The following SNTG1 variants were observed in gnomAD, a reference collection of about 807,000 sequenced individuals.
SNTG1 encodes the protein syntrophin gamma 1, also known as gamma-1-syntrophin.
In SNTG1, 39 loss-of-function variants were observed where a neutral mutation model predicts 74.7. The ratio of observed to expected loss-of-function variants is 0.52; its 90% CI spans 0.40 to 0.68. SNTG1 has a LOEUF of 0.68. Ranked by LOEUF, SNTG1 falls within the 30% of genes least tolerant of loss-of-function variation. The probability of loss-of-function intolerance (pLI) is 0.00; values close to 1 mark genes in which losing one functional copy is unlikely to be tolerated. For synonymous variants in SNTG1, 254 were observed against 217.1 expected (o/e 1.17, Z -1.49); for missense variants, 685 against 609.5 (o/e 1.12, Z -1.30).
chr8:50,052,098 A>G (rs1819625968), intron 1 of SNTG1, among the ~76,000 whole-genome samples: 1 of 152,092 alleles, frequency 6.6e-6, no homozygotes. Context: ...AATTGAAACA[A>G]TTCCAAAAAG....
At chr8:50,660,063 C>T (rs1156836429) in intron 15 of SNTG1, among the ~76,000 whole-genome samples, 1 of 152,108 alleles carries the variant, frequency 6.6e-6, no homozygotes, top group Non-Finnish European at 1.5e-5. Flanking sequence ...TGGTCTTGAA[C>T]TCCTGAGCTC....
rs558688365 is a variant in SNTG1, at chr8:50,268,742, C to T, written c.-28+96107C>T. On this transcript the variant is annotated intron_variant, in intron 2 of 18. Transcript: ENST00000642720. ...CAGGATCTTGGTTCACTACGACCTC[C>T]GCCTCCTGAGTTCAAGCAATTCTCA... Among the ~76,000 whole-genome samples the T allele has an allele frequency of 9.9e-5, 15 of 152,006 alleles. No homozygotes were observed. The East Asian group carries it at 1.9e-3, about 20-fold the overall frequency.
chr8:50,570,767 TAGAA>T (rs1207250982), intron 12 of SNTG1, among the ~76,000 whole-genome samples: 2 of 151,432 alleles, frequency 1.3e-5, no homozygotes, highest in Admixed American at 1.3e-4. Context: ...ACCGTGCCTG[TAGAA>T]TTTTTGTATT....
At chr8:50,713,024 G>C (rs2095466115) in intron 17 of SNTG1, among the ~76,000 whole-genome samples, 1 of 152,180 alleles carries the variant, frequency 6.6e-6, no homozygotes, top group Non-Finnish European at 1.5e-5. Context: ...CCAGTAATGG[G>C]ATTGCTGGGT....
intron 3 of SNTG1, among the ~76,000 whole-genome samples, chr8:50,396,502 G>A (rs2131323923): frequency 6.6e-6 from 1 of 152,302 alleles, no homozygotes; most frequent in East Asian, 1.9e-4. Context: ...GATGCAGTTT[G>A]AAGCACTTTG....
chr8:50,045,356 A>G (rs1818991247), intron 1 of SNTG1, among the ~76,000 whole-genome samples: 1 of 152,192 alleles, frequency 6.6e-6, no homozygotes, highest in African/African-American at 2.4e-5. Flanking sequence ...CAGGCACATC[A>G]CGTGCTCAGA....
intron 13 of SNTG1, among the ~76,000 whole-genome samples, chr8:50,611,862 G>A (rs2094852372): frequency 1.3e-5 from 2 of 152,072 alleles, no homozygotes; most frequent in African/African-American, 2.4e-5. Flanking sequence ...GACCTCCTGG[G>A]TTCAAACAAT....
intron 4 of SNTG1, among the ~76,000 whole-genome samples, chr8:50,429,766 G>C (rs993014585): frequency 2.6e-5 from 4 of 152,014 alleles, no homozygotes; most frequent in African/African-American, 9.7e-5. Flanking sequence ...TCCAGAAAGT[G>C]TAAAAAGTTC....
chr8:50,216,292 T>G (rs908219331), intron 2 of SNTG1, among the ~76,000 whole-genome samples: 1 of 152,230 alleles, frequency 6.6e-6, no homozygotes, highest in Non-Finnish European at 1.5e-5. Flanking sequence ...TAATCACTTC[T>G]AGTTCCATGT....
intron 17 of SNTG1, among the ~76,000 whole-genome samples, chr8:50,741,690 G>C (rs150877939): frequency 2.6e-5 from 4 of 152,112 alleles, no homozygotes; most frequent in African/African-American, 9.6e-5. Flanking sequence ...GAATATTATT[G>C]AGCATCAGAA....
chr8:50,390,958 A>G (rs1342785330), intron 2 of SNTG1, among the ~76,000 whole-genome samples: 1 of 150,878 alleles, frequency 6.6e-6, no homozygotes, highest in Admixed American at 6.6e-5. Flanking sequence ...TATCAGCTTC[A>G]GGAGATTTTG....
intron 1 of SNTG1, among the ~76,000 whole-genome samples, chr8:49,974,658 C>T (rs1360745113): frequency 2.0e-5 from 3 of 151,978 alleles, no homozygotes; most frequent in Non-Finnish European, 2.9e-5. Flanking sequence ...CCTACATCAA[C>T]TGTAAAATGA....
At chr8:50,290,960 G>A (rs534189678) in intron 2 of SNTG1, among the ~76,000 whole-genome samples, 2 of 152,032 alleles carry the variant, frequency 1.3e-5, no homozygotes, top group African/African-American at 4.8e-5. Context: ...GTTTTGCCAT[G>A]TTACCCAGGC....
chr8:50,278,471 C>T (rs2088242364), intron 2 of SNTG1, among the ~76,000 whole-genome samples: 1 of 152,062 alleles, frequency 6.6e-6, no homozygotes, highest in Non-Finnish European at 1.5e-5. Context: ...TCAGAAATCC[C>T]TGTGATTGAA....
rs905716728 is a variant in SNTG1, at chr8:50,791,950, C to T, written c.1396-721C>T. On this transcript the variant is annotated intron_variant, in intron 18 of 18. Transcript: ENST00000642720. ...TTGACAAAATTATGGTTTGAAATAA[C>T]TTTTTCTGTTTTCACTGCAATATAT... Among the ~76,000 whole-genome samples the T allele has an allele frequency of 2.0e-5, 3 of 151,642 alleles. No homozygotes were observed. In the Admixed American group the frequency reaches 2.0e-4, roughly 10 times the overall value.
At chr8:50,477,893 T>C (rs1272659259) in intron 8 of SNTG1, among the ~76,000 whole-genome samples, 1 of 152,226 alleles carries the variant, frequency 6.6e-6, no homozygotes, top group Non-Finnish European at 1.5e-5. Flanking sequence ...CTCTCCTCTC[T>C]GGAATGTCAG....
chr8:50,064,685 T>C (rs994269423), intron 1 of SNTG1, among the ~76,000 whole-genome samples: 5 of 152,140 alleles, frequency 3.3e-5, no homozygotes, highest in African/African-American at 9.7e-5. Context: ...CTTGAACACA[T>C]CCAGCTCTTT....
intron 2 of SNTG1, among the ~76,000 whole-genome samples, chr8:50,211,744 T>C (rs1283037727): frequency 6.6e-6 from 1 of 152,102 alleles, no homozygotes; most frequent in Non-Finnish European, 1.5e-5. Context: ...ATAAGAAACA[T>C]TGCAATTACA....
chr8:50,484,424 A>T (rs578240588), intron 8 of SNTG1, among the ~76,000 whole-genome samples: 1 of 151,626 alleles, frequency 6.6e-6, no homozygotes, highest in South Asian at 2.1e-4. Flanking sequence ...CATGTTGGTC[A>T]GGCTGGTCTC....
Sources: allele counts gnomAD v4.1 joint callset (sites outside exome capture counted in the v4.1 genomes callset), GRCh38; gene constraint gnomAD v4.1.1; transcripts MANE v1.5; gene names NCBI Gene and HGNC (gene_info 2026-07-23, HGNC 2026-07-21).